ZNF730: variants seen among roughly 807,000 people sequenced by gnomAD.
ZNF730 encodes the protein zinc finger protein 730.
A neutral mutation model predicts 12.6 loss-of-function variants in ZNF730; 12 were observed. The observed-to-expected ratio is 0.95, with a 90% CI of 0.61 to 1.54. ZNF730 has a LOEUF of 1.54. Among genes scored for constraint, ZNF730 ranks in the 40% most tolerant of loss-of-function variants. The pLI is 0.00. For missense variants in ZNF730, 643 were observed against 583.5 expected (o/e 1.10, Z -1.05); for synonymous variants, 194 against 195.8 (o/e 0.99, Z 0.08).
At chr19:23,097,333 C>T (rs1309413305) in intron 1 of ZNF730, among the ~76,000 whole-genome samples, 2 of 152,098 alleles carry the variant, frequency 1.3e-5, no homozygotes, top group Non-Finnish European at 2.9e-5. Flanking sequence ...GTGTCCATCA[C>T]CCAGGTGAGG....
At chr19:23,103,628 AAG>A (rs1359294920) in intron 1 of ZNF730, among the ~76,000 whole-genome samples, 2 of 152,186 alleles carry the variant, frequency 1.3e-5, no homozygotes, top group Non-Finnish European at 2.9e-5. Flanking sequence ...GAGTATCTAA[AAG>A]AGAGGTAAAC....
At chr19:23,127,415 T>G in intron 1 of ZNF730, 1 of 1,010,088 alleles carries the variant, frequency 9.9e-7, no homozygotes, top group Non-Finnish European at 1.5e-6. Flanking sequence ...TTCCAGTTCC[T>G]GTTTCATCTT....
intron 1 of ZNF730, chr19:23,095,207 T>C (rs180683199): frequency 7.6e-6 from 3 of 393,960 alleles, no homozygotes; most frequent in Admixed American, 4.4e-5. Context: ...CATAGTGACA[T>C]ATCACTGGGT....
At chr19:23,122,857 T>C (rs1377113596) in intron 1 of ZNF730, among the ~76,000 whole-genome samples, 1 of 152,254 alleles carries the variant, frequency 6.6e-6, no homozygotes, top group South Asian at 2.1e-4. Context: ...ATTATGGTTA[T>C]AGATATTTTT....
intron 1 of ZNF730, among the ~76,000 whole-genome samples, chr19:23,086,576 T>C (rs2145467015): frequency 6.6e-6 from 1 of 152,330 alleles, no homozygotes. Context: ...TTTGTCAGCT[T>C]TGTCAAAGGT....
intron 1 of ZNF730, 131 bp downstream of exon 1, chr19:23,117,307 C>T (rs566172083): frequency 1.9e-6 from 3 of 1,538,910 alleles, no homozygotes; most frequent in East Asian, 2.3e-5. Flanking sequence ...TTGCCCAGCT[C>T]GGCCTCAGTC....
intron 1 of ZNF730, among the ~76,000 whole-genome samples, chr19:23,107,151 C>T (rs1159871480): frequency 6.6e-6 from 1 of 151,450 alleles, no homozygotes; most frequent in African/African-American, 2.4e-5. Context: ...AAGCCTCCAC[C>T]TCCCAGGTTC....
chr19:23,130,465 T>A (rs1379284300), intron 1 of ZNF730, among the ~76,000 whole-genome samples: 1 of 152,156 alleles, frequency 6.6e-6, no homozygotes, highest in African/African-American at 2.4e-5. Flanking sequence ...AAAGGTTGAA[T>A]TATGCATCAT....
chr19:23,085,496 CTTTTTT>C lies in ZNF730; in HGVS notation c.-94+10135_-94+10140del, dbSNP rs58871710. Among the ~76,000 whole-genome samples, 93 of 52,788 alleles carry C rather than the reference CTTTTTT, an allele frequency of 1.8e-3. 1 individual carries two copies. Among genetic ancestry groups the C allele is most frequent in the South Asian group, 3.0e-3 (3 of 1,012 alleles). The allele number at this position is 52,788 out of a possible 152,430, so 34.6% of individuals were successfully genotyped here. On this transcript the variant is annotated intron_variant, in intron 1 of 2. Coordinates refer to the ZNF730 transcript ENST00000593635. The stretch of plus-strand genomic sequence containing the variant: ...TACAGGCATGAGCCACCATGCCCGT[CTTTTTT>C]TTTTTTTTTTTTTTTTTTTTTTTTT...
intron 1 of ZNF730, among the ~76,000 whole-genome samples, chr19:23,107,242 T>C (rs772801987): frequency 6.6e-6 from 1 of 151,576 alleles, no homozygotes; most frequent in Non-Finnish European, 1.5e-5. Context: ...TTTGTATTTT[T>C]AGTAATGATG....
chr19:23,078,272 A>G (rs1344244146), intron 1 of ZNF730, among the ~76,000 whole-genome samples: 3 of 151,884 alleles, frequency 2.0e-5, no homozygotes, highest in Non-Finnish European at 4.4e-5. Flanking sequence ...TAGTAGAATG[A>G]TTTATATTAT....
intron 1 of ZNF730, among the ~76,000 whole-genome samples, chr19:23,093,164 C>G (rs1201363802): frequency 1.3e-5 from 2 of 152,086 alleles, no homozygotes; most frequent in African/African-American, 4.8e-5. Flanking sequence ...TTAGTAGATA[C>G]AGGACTTCGC....
In ZNF730 at chr19:23,146,480, T is replaced by A; in HGVS notation, c.1436T>A (p.Ile479Asn). The A allele has an allele frequency of 6.2e-7, 1 of 1,604,340 alleles. No homozygotes were observed. The highest frequency in any genetic ancestry group is 8.5e-7 in the Non-Finnish European group (1 of 1,176,862). The part of the protein sequence containing the change: ...THKIIHSGEK[I>N]YKCKECGKAF... ...AAGATAATTCATTCTGGGGAAAAAATCTACAAATGTAAAGAATGTGGTAAA... is the reference window on the plus strand; with the variant it reads ...AAGATAATTCATTCTGGGGAAAAAAACTACAAATGTAAAGAATGTGGTAAA... The change falls in exon 4 of 4, where the codon ATC (isoleucine) becomes AAC (asparagine). Residue 479 changes from isoleucine to asparagine, a missense_variant. Transcript: ENST00000597761.
At chr19:23,107,475 A>AAAAAAAAAAAAAAAAAAAAAAAC (rs752480467) in intron 1 of ZNF730, among the ~76,000 whole-genome samples, 2 of 118,934 alleles carry the variant, frequency 1.7e-5, no homozygotes, top group Non-Finnish European at 3.7e-5. Context: ...AAAAAAAAAA[A>AAAAAAAAAAAAAAAAAAAAAAAC]CCACCACAGC....
chr19:23,117,149 G>A lies in ZNF730; in HGVS notation c.-25G>A, dbSNP rs779915538. On this transcript the variant is annotated 5_prime_UTR_variant, in exon 1 of 4. Coordinates refer to ENST00000597761, the MANE Select transcript of ZNF730 (RefSeq NM_001277403.2). ...GTATTGGGAGATCCACAGCTAAGACGCCAGGGCCCCCTGGAAGCCTAGAAA... is the reference window on the plus strand; with the variant it reads ...GTATTGGGAGATCCACAGCTAAGACACCAGGGCCCCCTGGAAGCCTAGAAA... The A allele has an allele frequency of 2.5e-5, 41 of 1,613,678 alleles. 1 individual carries two copies. In the South Asian group the frequency reaches 3.6e-4, roughly 14 times the overall value.
chr19:23,121,873 AAAGT>A (rs1192657538), intron 1 of ZNF730, among the ~76,000 whole-genome samples: 1 of 152,144 alleles, frequency 6.6e-6, no homozygotes, highest in East Asian at 1.9e-4. Flanking sequence ...CTCTTACGTG[AAAGT>A]AAGGGAGGAT....
rs531383740 is a variant in ZNF730 at position 23,082,835 on chromosome 19, G to A, written c.-94+7448G>A. On this transcript the variant is annotated intron_variant, in intron 1 of 2. Coordinates refer to the ZNF730 transcript ENST00000593635. ...TCCTGCATCAGCTTCCCAAGTAGCC[G>A]GGATTACAGGCATGTGCCACCATGC... Among the ~76,000 whole-genome samples the A allele has an allele frequency of 3.4e-4, 52 of 152,034 alleles. No individual in the cohort carries two copies. The South Asian group carries it at 4.6e-3, about 13-fold the overall frequency.
Position 23,098,568 on chromosome 19 carries a change from T to C in ZNF730, c.-94+23181T>C, listed in dbSNP as rs1282060801. Among the ~76,000 whole-genome samples the C allele has an allele frequency of 2.0e-5, 3 of 152,290 alleles. No homozygotes were observed. The East Asian group carries it at 5.8e-4, about 29-fold the overall frequency. On this transcript the variant is annotated intron_variant, in intron 1 of 2. Coordinates refer to the ZNF730 transcript ENST00000593635. ...GCATCTATTACATAAAAAATGTGAC[T>C]CCATTTCTACCTGTCCCCTGCTTAC...
chr19:23,095,310 C>T (rs901200190), intron 1 of ZNF730: 3 of 398,438 alleles, frequency 7.5e-6, no homozygotes, highest in Non-Finnish European at 1.3e-5. Context: ...TTATGTGACT[C>T]TCCTGCGTGT....
Sources: allele counts gnomAD v4.1 joint callset (sites outside exome capture counted in the v4.1 genomes callset), GRCh38; gene constraint gnomAD v4.1.1; transcripts MANE v1.5; gene names NCBI Gene and HGNC (gene_info 2026-07-23, HGNC 2026-07-21).